Variants in LUZP2 observed in about 807,000 individuals in gnomAD.
The protein encoded by LUZP2 is leucine zipper protein 2.
In LUZP2, 52 loss-of-function variants were observed where a neutral mutation model predicts 51.6. That is an observed-to-expected ratio of 1.01 (90% CI 0.81 to 1.27). LUZP2 has a LOEUF of 1.27. LUZP2 is among the 50% of genes most tolerant of loss of function. The probability of loss-of-function intolerance (pLI) is 0.00; values close to 1 mark genes in which losing one functional copy is unlikely to be tolerated. For missense variants in LUZP2, 436 were observed against 395.4 expected (o/e 1.10, Z -0.87); for synonymous variants, 154 against 137.3 (o/e 1.12, Z -0.85).
chr11:24,882,074 T>G (rs1291712476), intron 5 of LUZP2, among the ~76,000 whole-genome samples: 1 of 152,030 alleles, frequency 6.6e-6, no homozygotes, highest in Non-Finnish European at 1.5e-5. Context: ...GGTCGCTTCA[T>G]GTAATTAAAG....
At chr11:24,528,230 A>G (rs554206394) in intron 1 of LUZP2, among the ~76,000 whole-genome samples, 1 of 151,362 alleles carries the variant, frequency 6.6e-6, no homozygotes, top group Admixed American at 6.6e-5. Context: ...TTAATAGGCA[A>G]TCAACAAACA....
intron 7 of LUZP2, among the ~76,000 whole-genome samples, chr11:24,969,852 C>T (rs1156667267): frequency 4.6e-5 from 7 of 151,972 alleles, no homozygotes; most frequent in East Asian, 1.9e-4. Context: ...TTTAGGAGGC[C>T]AGTCCATCTC....
At chr11:24,814,806 C>G (rs1202585085) in intron 5 of LUZP2, among the ~76,000 whole-genome samples, 1 of 152,072 alleles carries the variant, frequency 6.6e-6, no homozygotes, top group African/African-American at 2.4e-5. Flanking sequence ...TCCTAGCTAA[C>G]ACGGTGAAAC....
chr11:24,717,147 TAAACA>T (rs1274184078), intron 1 of LUZP2, among the ~76,000 whole-genome samples: 4,279 of 152,216 alleles, frequency 0.028, 184 homozygotes, highest in African/African-American at 0.097. Flanking sequence ...ACTAGATTGA[TAAACA>T]GAGTAGGTAA....
intron 1 of LUZP2, among the ~76,000 whole-genome samples, chr11:24,681,849 A>G (rs1414402961): frequency 6.6e-6 from 1 of 152,194 alleles, no homozygotes; most frequent in Non-Finnish European, 1.5e-5. Flanking sequence ...ATTGGATTTT[A>G]TGGCATTTTT....
chr11:24,736,581 A>G (rs367640844), intron 3 of LUZP2, among the ~76,000 whole-genome samples: 152 of 151,816 alleles, frequency 1.0e-3, no homozygotes, highest in African/African-American at 3.5e-3. Context: ...CTAAAACACA[A>G]TTTCACTACC....
rs182552830 is a variant in LUZP2 at position 24,946,772 on chromosome 11, T to C, written c.523-29819T>C. Among the ~76,000 whole-genome samples the C allele has an allele frequency of 6.5e-3, 995 of 152,130 alleles. 5 individuals carry two copies. Among genetic ancestry groups the C allele is most frequent in the African/African-American group, 0.019 (770 of 41,536 alleles). On this transcript the variant is annotated intron_variant, in intron 7 of 11. Coordinates refer to ENST00000336930, the MANE Select transcript of LUZP2 (RefSeq NM_001009909.4). ...CATTTACAATTTCTGCTTCTCCTTA[T>C]TTCTTCCTGTGAATTCAAATTACAA...
At position 24,884,615 on chromosome 11, in the gene LUZP2, G is replaced by A. The variant is rs112725232; in HGVS notation, c.397-21376G>A. ...TTTTGAGTTTAATCTCTCTTCGTTCGTCAGTCTCTTATGCATGATTTCACT... is the reference window on the plus strand; with the variant it reads ...TTTTGAGTTTAATCTCTCTTCGTTCATCAGTCTCTTATGCATGATTTCACT... On this transcript the variant is annotated intron_variant, in intron 5 of 11. Coordinates refer to ENST00000336930, the MANE Select transcript of LUZP2 (RefSeq NM_001009909.4). Among the ~76,000 whole-genome samples the A allele has an allele frequency of 9.9e-4, 151 of 151,976 alleles. 2 individuals are homozygous for A. The highest frequency in any genetic ancestry group is 1.8e-3 in the Non-Finnish European group (120 of 67,876).
At chr11:24,630,787 G>A (rs1466582718) in intron 1 of LUZP2, among the ~76,000 whole-genome samples, 2 of 151,230 alleles carry the variant, frequency 1.3e-5, no homozygotes, top group Admixed American at 6.6e-5. Flanking sequence ...ATTGCTTTGA[G>A]TAGAGCGGTT....
chr11:24,967,459 A>T (rs1021697994), intron 7 of LUZP2, among the ~76,000 whole-genome samples: 74 of 151,994 alleles, frequency 4.9e-4, no homozygotes, highest in African/African-American at 1.8e-3. Flanking sequence ...ACAATTCTGA[A>T]TGCATTTTTT....
intron 1 of LUZP2, among the ~76,000 whole-genome samples, chr11:24,598,196 T>A (rs1853509176): frequency 6.6e-6 from 1 of 151,666 alleles, no homozygotes; most frequent in African/African-American, 2.4e-5. Context: ...GATGACAGAA[T>A]TGTTGGACCA....
At chr11:24,616,315 C>T (rs75032566) in intron 1 of LUZP2, among the ~76,000 whole-genome samples, 2,965 of 151,994 alleles carry the variant, frequency 0.02, 104 homozygotes, top group African/African-American at 0.067. Context: ...CCTATGTTTT[C>T]GTTTGTTTAT....
intron 5 of LUZP2, among the ~76,000 whole-genome samples, chr11:24,801,179 G>A (rs1265864132): frequency 2.0e-5 from 3 of 152,060 alleles, no homozygotes; most frequent in Non-Finnish European, 2.9e-5. Flanking sequence ...CTTTAAAGAC[G>A]TGCTGATAAA....
chr11:24,804,179 G>T (rs941836931), intron 5 of LUZP2, among the ~76,000 whole-genome samples: 5 of 151,970 alleles, frequency 3.3e-5, no homozygotes, highest in Non-Finnish European at 5.9e-5. Context: ...GAGGCACAAA[G>T]ACCAAATACA....
chr11:24,787,582 T>C (rs1450731235), intron 5 of LUZP2, among the ~76,000 whole-genome samples: 1 of 152,154 alleles, frequency 6.6e-6, no homozygotes, highest in Non-Finnish European at 1.5e-5. Flanking sequence ...AGAGTTAAAC[T>C]CAATTTCTAT....
chr11:24,824,540 G>T (rs1308972737), intron 5 of LUZP2, among the ~76,000 whole-genome samples: 2 of 151,844 alleles, frequency 1.3e-5, no homozygotes, highest in Non-Finnish European at 2.9e-5. Context: ...GAGCTAAGAA[G>T]TAAGTCACAA....
At chr11:24,887,614 G>A (rs2133749778) in intron 5 of LUZP2, among the ~76,000 whole-genome samples, 1 of 152,258 alleles carries the variant, frequency 6.6e-6, no homozygotes, top group East Asian at 1.9e-4. Context: ...TGTGCCAAAG[G>A]TAACTGAGCC....
At chr11:24,534,856 C>T (rs752691337) in intron 1 of LUZP2, among the ~76,000 whole-genome samples, 15 of 151,388 alleles carry the variant, frequency 9.9e-5, no homozygotes, top group Non-Finnish European at 1.9e-4. Flanking sequence ...ATTTTGTGGT[C>T]CTTGGCAATG....
intron 1 of LUZP2, among the ~76,000 whole-genome samples, chr11:24,544,363 G>A (rs1851476710): frequency 6.6e-6 from 1 of 151,960 alleles, no homozygotes; most frequent in Non-Finnish European, 1.5e-5. Context: ...GGGGTATGTT[G>A]TACAGATTAT....
Sources: allele counts gnomAD v4.1 joint callset (sites outside exome capture counted in the v4.1 genomes callset), GRCh38; gene constraint gnomAD v4.1.1; transcripts MANE v1.5; gene names NCBI Gene and HGNC (gene_info 2026-07-23, HGNC 2026-07-21).